Variants in OXR1 observed in about 807,000 individuals in gnomAD.
OXR1 encodes the protein oxidation resistance protein 1.
A neutral mutation model predicts 104.6 loss-of-function variants in OXR1; 41 were observed. That is an observed-to-expected ratio of 0.39 (90% CI 0.31 to 0.51). The LOEUF (loss-of-function observed/expected upper bound fraction) is 0.51. Among genes scored for constraint, OXR1 ranks in the 20% least tolerant of loss-of-function variants. The probability of loss-of-function intolerance (pLI) is 0.77; values close to 1 mark genes in which losing one functional copy is unlikely to be tolerated. For synonymous variants in OXR1, 348 were observed against 348.4 expected (o/e 1.00, Z 0.01); for missense variants, 955 against 1,031.9 (o/e 0.93, Z 1.02).
chr8:106,477,012 G>A (rs115022749), intron 2 of OXR1, among the ~76,000 whole-genome samples: 145 of 152,024 alleles, frequency 9.5e-4, no homozygotes, highest in African/African-American at 3.4e-3. Flanking sequence ...TTTCACAATG[G>A]TCCCTATGCT....
intron 3 of OXR1, among the ~76,000 whole-genome samples, chr8:106,629,378 T>C (rs1319131043): frequency 6.6e-6 from 1 of 152,096 alleles, no homozygotes; most frequent in Non-Finnish European, 1.5e-5. Flanking sequence ...GATCAACTGA[T>C]GAGCACATGG....
intron 7 of OXR1, among the ~76,000 whole-genome samples, chr8:106,694,755 T>TATATATTTAATATATAAATAC (rs1563716647): frequency 2.6e-5 from 3 of 114,192 alleles, no homozygotes; most frequent in African/African-American, 7.0e-5. Context: ...TATATATTAA[T>TATATATTTAATATATAAATAC]ATATATATTT....
chr8:106,331,490 T>A (rs1397153881), intron 1 of OXR1, among the ~76,000 whole-genome samples: 1 of 152,122 alleles, frequency 6.6e-6, no homozygotes, highest in Non-Finnish European at 1.5e-5. Flanking sequence ...AAATATTTTT[T>A]AAAGATTTAT....
chr8:106,406,027 A>G (rs1040416529), intron 2 of OXR1, among the ~76,000 whole-genome samples: 2 of 152,206 alleles, frequency 1.3e-5, no homozygotes, highest in Non-Finnish European at 2.9e-5. Context: ...AATAGTCTGA[A>G]ATCATTCTCT....
At chr8:106,396,077 AC>A (rs1323676846) in intron 2 of OXR1, among the ~76,000 whole-genome samples, 95 of 81,616 alleles carry the variant, frequency 1.2e-3, no homozygotes, top group East Asian at 1.9e-3. Flanking sequence ...TTATATAAAT[AC>A]ATACATACAT....
At chr8:106,624,701 A>G (rs960386070) in intron 3 of OXR1, among the ~76,000 whole-genome samples, 2 of 152,180 alleles carry the variant, frequency 1.3e-5, no homozygotes, top group Non-Finnish European at 2.9e-5. Context: ...ATAACTTCAC[A>G]TTGCTCTGCA....
rs28921419 is a variant in OXR1 at position 106,706,597 on chromosome 8, A to C, written c.1076A>C (p.Gln359Pro). 3 of 1,612,880 alleles carry C rather than the reference A, an allele frequency of 1.9e-6. No individual in the cohort carries two copies. Among genetic ancestry groups the C allele is most frequent in the Non-Finnish European group, 2.5e-6 (3 of 1,179,706 alleles). ...CTTGTATCTTCAGATGAACTGCGAC[A>C]AGATAAATCTTCTGGTGCGTCATCA... ...EELVSSDELR[Q>P]DKSSGASSES... Residue 359 changes from glutamine (Q) to proline (P), a missense_variant, in exon 9 of 17, where the codon CAA (glutamine) becomes CCA (proline). Physicochemically the swap from Gln to Pro is moderately conservative, Grantham distance 76. Around this residue, in one of 2 missense-constraint regions of OXR1, gnomAD observed 849 missense variants for 852.9 expected, o/e 1.00. Transcript: ENST00000517566.
chr8:106,569,778 G>C (rs1817343465), intron 3 of OXR1, among the ~76,000 whole-genome samples: 1 of 152,174 alleles, frequency 6.6e-6, no homozygotes, highest in African/African-American at 2.4e-5. Flanking sequence ...CATGCAGATA[G>C]TTTTACAATG....
At chr8:106,323,820 A>C (rs1814335894) in intron 1 of OXR1, among the ~76,000 whole-genome samples, 1 of 152,244 alleles carries the variant, frequency 6.6e-6, no homozygotes, top group Non-Finnish European at 1.5e-5. Flanking sequence ...ATACCATCTC[A>C]TGCCAGTCAG....
At chr8:106,424,088 C>A (rs376173141) in intron 2 of OXR1, among the ~76,000 whole-genome samples, 1 of 152,066 alleles carries the variant, frequency 6.6e-6, no homozygotes, top group East Asian at 1.9e-4. Context: ...AGACGTTTGC[C>A]ACCACACTCA....
chr8:106,479,010 C>T (rs1267932139), intron 2 of OXR1, among the ~76,000 whole-genome samples: 1 of 151,720 alleles, frequency 6.6e-6, no homozygotes, highest in East Asian at 1.9e-4. Flanking sequence ...CATAGATATC[C>T]TCCATTAAAT....
At chr8:106,447,792 C>G in intron 2 of OXR1, 3 of 888,616 alleles carry the variant, frequency 3.4e-6, no homozygotes, top group Non-Finnish European at 4.8e-6. Context: ...GTTGTACACA[C>G]CGAACGGCAT....
intron 2 of OXR1, among the ~76,000 whole-genome samples, chr8:106,437,073 A>G (rs1819610148): frequency 6.6e-6 from 1 of 152,176 alleles, no homozygotes; most frequent in Admixed American, 6.6e-5. Flanking sequence ...ATCCAGATTC[A>G]TAAGGCTCCA....
intron 11 of OXR1, among the ~76,000 whole-genome samples, chr8:106,731,162 AT>A (rs1563754593): frequency 1.3e-5 from 2 of 152,146 alleles, no homozygotes; most frequent in Non-Finnish European, 2.9e-5. Context: ...CCATTTGTAT[AT>A]CTTCTTTAAT....
chr8:106,601,843 A>G (rs1819994355), intron 3 of OXR1, among the ~76,000 whole-genome samples: 2 of 152,198 alleles, frequency 1.3e-5, no homozygotes, highest in South Asian at 4.1e-4. Flanking sequence ...TAAGTTTTTT[A>G]AGGAGATTAT....
At chr8:106,357,037 G>T (rs1816002312) in intron 1 of OXR1, among the ~76,000 whole-genome samples, 1 of 151,820 alleles carries the variant, frequency 6.6e-6, no homozygotes, top group Non-Finnish European at 1.5e-5. Context: ...TTTAAATGAT[G>T]TCTCTCAATG....
intron 3 of OXR1, among the ~76,000 whole-genome samples, chr8:106,524,975 G>A (rs1813547647): frequency 6.6e-6 from 1 of 152,154 alleles, no homozygotes; most frequent in South Asian, 2.1e-4. Flanking sequence ...TGTGCCTCCT[G>A]TTTTCTTGTG....
chr8:106,739,119 C>G (rs970785966), intron 12 of OXR1, among the ~76,000 whole-genome samples: 2 of 142,108 alleles, frequency 1.4e-5, no homozygotes, highest in Non-Finnish European at 3.1e-5. Context: ...CACACACACA[C>G]AGCGCAAGCC....
intron 6 of OXR1, among the ~76,000 whole-genome samples, chr8:106,689,909 A>T (rs1256119952): frequency 6.6e-6 from 1 of 151,858 alleles, no homozygotes; most frequent in Admixed American, 6.6e-5. Context: ...AAGTAGTTTG[A>T]AAAGGTTAAA....
Sources: gnomAD v4.1 joint callset for allele counts (sites outside exome capture counted in the v4.1 genomes callset) on GRCh38, gnomAD v4.1.1 for gene constraint, gnomAD v4.1.1 regional missense constraint, MANE v1.5 for transcripts, NCBI Gene and HGNC (gene_info 2026-07-23, HGNC 2026-07-21) for gene names.